SH3BP4: variants seen among roughly 807,000 people sequenced by gnomAD.
The protein encoded by SH3BP4 is SH3 domain-binding protein 4.
A neutral mutation model predicts 65.5 loss-of-function variants in SH3BP4; 33 were observed. The observed-to-expected ratio is 0.50, with a 90% confidence interval of 0.38 to 0.67. SH3BP4 has a LOEUF of 0.67. Ranked by LOEUF, SH3BP4 falls within the 30% of genes least tolerant of loss-of-function variation. The pLI, the probability that SH3BP4 is intolerant of heterozygous loss-of-function variation, is 0.00. For missense variants in SH3BP4, 1,134 were observed against 1,261.4 expected, an observed-to-expected ratio of 0.90 and a Z score of 1.53; for synonymous variants, 552 against 545.5, an observed-to-expected ratio of 1.01 and a Z score of -0.17.
At chr2:235,013,314 G>A (rs886636165) in intron 2 of SH3BP4, among the ~76,000 whole-genome samples, 7 of 152,040 alleles carry the variant, frequency 4.6e-5, no homozygotes, top group African/African-American at 1.4e-4. Flanking sequence ...CCACAATCAC[G>A]CAGGAACCTT....
chr2:235,050,666 T>C (rs1696019516), intron 4 of SH3BP4, among the ~76,000 whole-genome samples: 1 of 152,012 alleles, frequency 6.6e-6, no homozygotes, highest in African/African-American at 2.4e-5. Context: ...CTTTTTGTAT[T>C]GTTAGACTCC....
In SH3BP4 at chr2:235,026,666, AG is replaced by A. The variant is rs1695010893; in HGVS notation, c.-132-8203del. Among the ~76,000 whole-genome samples the A allele has an allele frequency of 6.6e-6, 1 of 152,218 alleles. No individual in the cohort carries two copies. Among genetic ancestry groups the A allele is most frequent in the Non-Finnish European group, 1.5e-5 (1 of 68,040 alleles). On this transcript the variant is annotated intron_variant, in intron 2 of 5. Transcript: ENST00000392011. The surrounding 1 kb of genome is among the most constrained non-coding windows in gnomAD (Gnocchi z 4.6). ...GTAGTCCCAGGTAGATGTGGCACCC[AG>A]GATATGCCCACCTTTCTCAAACTCA...
chr2:235,028,507 C>T (rs919650457), intron 2 of SH3BP4, among the ~76,000 whole-genome samples: 2 of 152,216 alleles, frequency 1.3e-5, no homozygotes, highest in African/African-American at 2.4e-5. Context: ...AAGATTATCC[C>T]AGAGATACCT....
intron 3 of SH3BP4, among the ~76,000 whole-genome samples, chr2:235,039,950 T>G (rs981740405): frequency 2.6e-5 from 4 of 152,154 alleles, no homozygotes; most frequent in Non-Finnish European, 5.9e-5. Flanking sequence ...TTAAAAGAGG[T>G]TGGGCCAGGC....
rs1167960271 is a variant in SH3BP4, at chr2:235,034,352, G to T, written c.-132-519G>T. ...TTTGGGGTGCAGGGGGATTTCAGGA[G>T]CGGATTGGGTAGGGAGCATCACCCT... is the stretch of plus-strand genomic sequence containing the variant. On this transcript the variant is annotated intron_variant, in intron 2 of 5. Transcript: ENST00000392011. This position sits in a 1 kb window ranked among gnomAD's most constrained non-coding sequence, Gnocchi z 6.2. 1.3e-5 allele frequency among the ~76,000 whole-genome samples: 2 copies of T among 152,144 alleles called. No individual in the cohort carries two copies. Among genetic ancestry groups the T allele is most frequent in the Non-Finnish European group, 2.9e-5 (2 of 68,018 alleles).
intron 2 of SH3BP4, among the ~76,000 whole-genome samples, chr2:235,008,409 C>T (rs981408287): frequency 6.6e-6 from 1 of 152,180 alleles, no homozygotes; most frequent in Non-Finnish European, 1.5e-5. Flanking sequence ...CCAGCCGAGG[C>T]CTACTCAGGA....
At chr2:234,969,570 G>A (rs1384023215) in intron 1 of SH3BP4, among the ~76,000 whole-genome samples, 1 of 150,804 alleles carries the variant, frequency 6.6e-6, no homozygotes, top group African/African-American at 2.5e-5. Flanking sequence ...ACACAGATCT[G>A]ATCGTGCCTC....
chr2:234,983,001 A>G (rs10803629), intron 1 of SH3BP4, among the ~76,000 whole-genome samples: 40,575 of 152,022 alleles, frequency 0.27, 5,911 homozygotes, highest in East Asian at 0.59. Context: ...TGGACCTGAG[A>G]CCAAACTGCC....
At chr2:235,025,795 G>C (rs553692637) in intron 2 of SH3BP4, among the ~76,000 whole-genome samples, 1 of 152,332 alleles carries the variant, frequency 6.6e-6, no homozygotes, top group South Asian at 2.1e-4. Flanking sequence ...ATTTGCAAAG[G>C]CAAAGGCACT....
intron 2 of SH3BP4, among the ~76,000 whole-genome samples, chr2:235,017,193 G>A (rs1052683156): frequency 6.6e-6 from 1 of 151,520 alleles, no homozygotes; most frequent in Non-Finnish European, 1.5e-5. Context: ...CTGGCTGGGT[G>A]AGATCCAGCA....
At chr2:234,958,420 G>A (rs1278117314) in intron 1 of SH3BP4, among the ~76,000 whole-genome samples, 4 of 152,032 alleles carry the variant, frequency 2.6e-5, no homozygotes, top group East Asian at 1.9e-4. Flanking sequence ...GGAGGTGCTC[G>A]CCCTGGGGGG....
At position 234,978,060 on chromosome 2, in the gene SH3BP4, A is replaced by G. The variant is rs1006457807; in HGVS notation, c.-206-17243A>G. ...AACCTCTGCCTCCTGGGTTTAAGCA[A>G]TTCTCCTGCCTCAGCCTCCCGAGTA... On this transcript the variant is annotated intron_variant, in intron 1 of 5. Coordinates refer to ENST00000392011, the MANE Select transcript of SH3BP4 (RefSeq NM_014521.3). The surrounding 1 kb of genome is among the most constrained non-coding windows in gnomAD (Gnocchi z 4.1). Among the ~76,000 whole-genome samples, 5 of 152,008 alleles carry G rather than the reference A, an allele frequency of 3.3e-5. No homozygotes were observed. Among genetic ancestry groups the G allele is most frequent in the Non-Finnish European group, 5.9e-5 (4 of 68,008 alleles).
At chr2:235,040,775 G>A (rs1695605912) in intron 3 of SH3BP4, 113 bp from the exon 4 acceptor site, 2 of 891,626 alleles carry the variant, frequency 2.2e-6, no homozygotes, top group Non-Finnish European at 3.5e-6. Context: ...TTGGTGACTT[G>A]CCTGGGTTAT....
chr2:234,975,940 C>T (rs1484616244), intron 1 of SH3BP4, among the ~76,000 whole-genome samples: 1 of 152,174 alleles, frequency 6.6e-6, no homozygotes, highest in Non-Finnish European at 1.5e-5. Context: ...TTCTCTCTAA[C>T]CTCTAGTGGC....
Position 234,952,400 on chromosome 2 carries a change from T to C in SH3BP4, c.-207+230T>C, listed in dbSNP as rs1692491726. The stretch of plus-strand genomic sequence containing the variant: ...GCTCCCCCGGGCGCTCGGGTCTCCC[T>C]GGTGCTGGTGGGCAGGGACCCGGCC... On this transcript the variant is annotated intron_variant, in intron 1 of 5. Coordinates refer to ENST00000392011, the MANE Select transcript of SH3BP4 (RefSeq NM_014521.3). The surrounding 1 kb of genome is among the most constrained non-coding windows in gnomAD (Gnocchi z 6.5). 6.7e-6 allele frequency among the ~76,000 whole-genome samples: 1 copy of C among 149,928 alleles called. No individual in the cohort carries two copies. Among genetic ancestry groups the C allele is most frequent in the Admixed American group, 6.6e-5 (1 of 15,062 alleles).
At chr2:235,036,870 G>GGA (rs1352152724) in intron 3 of SH3BP4, among the ~76,000 whole-genome samples, 1 of 152,056 alleles carries the variant, frequency 6.6e-6, no homozygotes, top group Non-Finnish European at 1.5e-5. Context: ...CCTCAAACAT[G>GGA]AAGGGGAGGG....
chr2:235,021,289 G>C (rs1041139800), intron 2 of SH3BP4, among the ~76,000 whole-genome samples: 5 of 152,118 alleles, frequency 3.3e-5, no homozygotes, highest in African/African-American at 1.2e-4. Flanking sequence ...ATGAGATGGT[G>C]GGAGACATTT....
Position 235,033,110 on chromosome 2 carries a change from C to T in SH3BP4, c.-132-1761C>T, listed in dbSNP as rs935785267. ...AGGGCCCCCAGCAGGGCAGCTCTGC[C>T]GCTCCCCAGAGAGGTGGCCACCATG... On this transcript the variant is annotated intron_variant, in intron 2 of 5. Coordinates refer to ENST00000392011, the MANE Select transcript of SH3BP4 (RefSeq NM_014521.3). The surrounding 1 kb of genome is among the most constrained non-coding windows in gnomAD (Gnocchi z 5.7). 2.6e-5 allele frequency among the ~76,000 whole-genome samples: 4 copies of T among 152,116 alleles called. No homozygotes were observed. The highest frequency in any genetic ancestry group is 1.9e-4 in the East Asian group (1 of 5,168).
intron 2 of SH3BP4, among the ~76,000 whole-genome samples, chr2:235,008,357 C>G (rs1003727224): frequency 2.8e-4 from 43 of 152,136 alleles, no homozygotes; most frequent in African/African-American, 8.0e-4. Flanking sequence ...TGCAGCCTCC[C>G]TGCAGGGCCC....
Sources: gnomAD v4.1 joint callset for allele counts (sites outside exome capture counted in the v4.1 genomes callset) on GRCh38, gnomAD v4.1.1 for gene constraint, Gnocchi (gnomAD v3.1) non-coding constraint, MANE v1.5 for transcripts, NCBI Gene and HGNC (gene_info 2026-07-23, HGNC 2026-07-21) for gene names.